The following FRK variants were observed in gnomAD, a reference collection of about 807,000 sequenced individuals.
FRK encodes the protein tyrosine-protein kinase FRK.
Under a neutral mutation model 56.4 loss-of-function variants are expected in FRK, and 51 were observed. The ratio of observed to expected loss-of-function variants is 0.90; its 90% CI spans 0.72 to 1.14. The LOEUF (loss-of-function observed/expected upper bound fraction) is 1.14, where lower values mean the gene tolerates loss of function less well. Ranked by LOEUF, FRK falls within the 50% of genes most tolerant of loss-of-function variation. FRK has a pLI of 0.00. For missense variants in FRK, 570 were observed against 601.4 expected, an observed-to-expected ratio of 0.95 and a Z score of 0.55; for synonymous variants, 245 against 217.9, an observed-to-expected ratio of 1.12 and a Z score of -1.10.
At chr6:115,984,963 T>G (rs778719276) in intron 2 of FRK, among the ~76,000 whole-genome samples, 1 of 152,122 alleles carries the variant, frequency 6.6e-6, no homozygotes, top group Admixed American at 6.6e-5. Context: ...AGCACATCCT[T>G]GTGGGTGGAA....
intron 5 of FRK, among the ~76,000 whole-genome samples, chr6:115,949,034 C>G (rs1320701630): frequency 6.6e-6 from 1 of 152,120 alleles, no homozygotes; most frequent in Non-Finnish European, 1.5e-5. Context: ...GTATTTTATT[C>G]ACTTTGTAGC....
chr6:116,012,866 C>T (rs1775523427), intron 1 of FRK, among the ~76,000 whole-genome samples: 1 of 152,174 alleles, frequency 6.6e-6, no homozygotes, highest in Non-Finnish European at 1.5e-5. Flanking sequence ...AATCTGACCT[C>T]TCTCTTTTCC....
At chr6:116,046,946 T>C (rs550401377) in intron 1 of FRK, among the ~76,000 whole-genome samples, 269 of 152,046 alleles carry the variant, frequency 1.8e-3, no homozygotes, top group Non-Finnish European at 3.1e-3. Context: ...CATTTCCAAG[T>C]TGTGGTCCTG....
rs1232667761 is a variant in FRK, at chr6:115,934,899, T to C, written c.*7515A>G. On this transcript the variant is annotated 3_prime_UTR_variant, in exon 8 of 8. Coordinates refer to ENST00000606080, the MANE Select transcript of FRK (RefSeq NM_002031.3). ...ACAATAACTTTGTTACAAAGTTTAA[T>C]TCAAACTTAAGATGAGTAAAAACCC... The C allele has an allele frequency of 6.6e-6, 1 of 151,254 alleles. No homozygotes were observed. The highest frequency in any genetic ancestry group is 2.4e-5 in the African/African-American group (1 of 41,118). 9.4% of individuals were successfully genotyped at this position (151,254 alleles called of 1,614,324 possible). A position where few individuals can be genotyped will look rare whatever the true frequency, so the allele number is the denominator to read the frequency against.
chr6:115,989,500 G>A (rs182928157), intron 2 of FRK, among the ~76,000 whole-genome samples: 43 of 151,840 alleles, frequency 2.8e-4, no homozygotes, highest in Non-Finnish European at 4.4e-4. Flanking sequence ...TTATGTTCAT[G>A]TACCCATGGT....
intron 4 of FRK, among the ~76,000 whole-genome samples, chr6:115,962,639 G>A (rs554496431): frequency 3.4e-4 from 8 of 23,748 alleles, no homozygotes; most frequent in African/African-American, 1.2e-3. Flanking sequence ...TGACCACATA[G>A]TTGGAAGTAA....
Position 115,942,573 on chromosome 6 carries a change from C to T in FRK, c.1359G>A (p.Pro453=), listed in dbSNP as rs762379884. 29 of 1,613,606 alleles carry T rather than the reference C, an allele frequency of 1.8e-5. 1 individual carries two copies. The highest frequency in any genetic ancestry group is 3.3e-4 in the Middle Eastern group (2 of 6,080). ...ATTGCTGTGGACAGTTGGATGGTTG[C>T]GGAAGTCTATAGTTTTGAGCCAACA... is the stretch of plus-strand genomic sequence containing the variant. The part of the protein sequence containing the change: ...IQMLAQNYRL[P]QPSNCPQQFY... The change falls in exon 8 of 8, where the codon CCG becomes CCA. Residue 453 remains proline (P), a synonymous_variant. Coordinates refer to ENST00000606080, the MANE Select transcript of FRK (RefSeq NM_002031.3).
At chr6:115,979,458 AT>A (rs1774116055) in intron 2 of FRK, among the ~76,000 whole-genome samples, 1 of 152,194 alleles carries the variant, frequency 6.6e-6, no homozygotes, top group Non-Finnish European at 1.5e-5. Context: ...GAGTCAAAAT[AT>A]TTTTTAAAAT....
chr6:116,003,188 A>C (rs1341054958), intron 2 of FRK, among the ~76,000 whole-genome samples: 1 of 152,224 alleles, frequency 6.6e-6, no homozygotes, highest in Admixed American at 6.5e-5. Context: ...CAGAGAACAG[A>C]ACGGGACAAG....
intron 2 of FRK, among the ~76,000 whole-genome samples, chr6:115,977,938 T>C (rs1774045751): frequency 6.6e-6 from 1 of 152,192 alleles, no homozygotes; most frequent in Admixed American, 6.6e-5. Context: ...ATTAACAATA[T>C]ATAATTGTAA....
In FRK at chr6:116,052,115, C is replaced by T. The variant is rs370097088; in HGVS notation, c.344+7853G>A. Among the ~76,000 whole-genome samples, 147 of 152,240 alleles carry T rather than the reference C, an allele frequency of 9.7e-4. 2 individuals are homozygous for T. Among genetic ancestry groups the T allele is most frequent in the African/African-American group, 3.5e-3 (144 of 41,566 alleles). ...TTAGACGCCATTTCAATGAGATTTA[C>T]AGTCTGTTCCTGACTTGATATTCAG... is the stretch of plus-strand genomic sequence containing the variant. On this transcript the variant is annotated intron_variant, in intron 1 of 7. Transcript: ENST00000606080.
At chr6:115,985,113 T>C (rs906731736) in intron 2 of FRK, among the ~76,000 whole-genome samples, 3 of 152,126 alleles carry the variant, frequency 2.0e-5, no homozygotes, top group Non-Finnish European at 4.4e-5. Flanking sequence ...AATTAATTCA[T>C]CTTCTCTAAG....
At chr6:115,986,003 C>G (rs2114649652) in intron 2 of FRK, among the ~76,000 whole-genome samples, 1 of 143,526 alleles carries the variant, frequency 7.0e-6, no homozygotes, top group East Asian at 2.3e-4. Context: ...TGGGGGGGAA[C>G]AGTTATTTGA....
At chr6:115,953,111 AAG>A (rs1491460806) in intron 5 of FRK, among the ~76,000 whole-genome samples, 1 of 150,968 alleles carries the variant, frequency 6.6e-6, no homozygotes, top group Non-Finnish European at 1.5e-5. Flanking sequence ...AAGAAAAAAA[AAG>A]AATCTTTCAT....
intron 7 of FRK, 48 bp downstream of exon 7, chr6:115,942,972 A>G: frequency 2.5e-6 from 4 of 1,570,908 alleles, no homozygotes; most frequent in Non-Finnish European, 3.5e-6. Flanking sequence ...ATCACACCTA[A>G]GTAAGTGACA....
chr6:115,981,387 G>A (rs1774194149), intron 2 of FRK, among the ~76,000 whole-genome samples: 1 of 152,068 alleles, frequency 6.6e-6, no homozygotes, highest in Admixed American at 6.6e-5. Flanking sequence ...TGTTTTCAGA[G>A]CTGGAATCTA....
intron 2 of FRK, among the ~76,000 whole-genome samples, chr6:115,997,947 T>C (rs1774906732): frequency 1.3e-5 from 2 of 152,304 alleles, no homozygotes; most frequent in South Asian, 4.1e-4. Flanking sequence ...AGCTCATAGG[T>C]GCTGGGCTTT....
intron 1 of FRK, 104 bp downstream of exon 1, chr6:116,059,864 A>G (rs1260775945): frequency 1.3e-5 from 13 of 968,480 alleles, no homozygotes; most frequent in Middle Eastern, 5.9e-4. Context: ...CATACTTTTT[A>G]GGCAACTCTT....
the FRK span, among the ~76,000 whole-genome samples, chr6:116,083,462 G>C: frequency 6.6e-6 from 1 of 152,188 alleles, no homozygotes; most frequent in African/African-American, 2.4e-5. Flanking sequence ...ATCAGAGGAG[G>C]GGGGAAGCAG....
Sources: gnomAD v4.1 joint callset for allele counts (sites outside exome capture counted in the v4.1 genomes callset) on GRCh38, gnomAD v4.1.1 for gene constraint, MANE v1.5 for transcripts, NCBI Gene and HGNC (gene_info 2026-07-23, HGNC 2026-07-21) for gene names.